TNIK: variants seen among roughly 807,000 people sequenced by gnomAD.
TNIK encodes the protein TRAF2 and NCK-interacting protein kinase.
Under a neutral mutation model 191.3 loss-of-function variants are expected in TNIK, and 49 were observed. That is an observed-to-expected ratio of 0.26 (90% CI 0.20 to 0.32). TNIK has a LOEUF of 0.32. Ranked by LOEUF, TNIK falls within the 10% of genes least tolerant of loss-of-function variation. The pLI is 1.00. For synonymous variants in TNIK, 594 were observed against 600.9 expected (o/e 0.99, Z 0.17); for missense variants, 1,155 against 1,702.3 (o/e 0.68, Z 5.66).
intron 2 of TNIK, among the ~76,000 whole-genome samples, chr3:171,294,840 T>G (rs888457369): frequency 2.6e-5 from 4 of 152,152 alleles, no homozygotes; most frequent in African/African-American, 9.7e-5. Flanking sequence ...CAAATCTCAG[T>G]AGCTTACATA....
At chr3:171,311,894 T>C (rs1158365691) in intron 2 of TNIK, among the ~76,000 whole-genome samples, 2 of 152,020 alleles carry the variant, frequency 1.3e-5, no homozygotes, top group African/African-American at 4.8e-5. Context: ...TATAGCCGCA[T>C]TGGCAAGAGT....
chr3:171,287,096 G>T (rs1751091014), intron 2 of TNIK, among the ~76,000 whole-genome samples: 2 of 152,020 alleles, frequency 1.3e-5, no homozygotes, highest in Admixed American at 1.3e-4. Flanking sequence ...GGCAAGTAGG[G>T]GTTTTCCCTA....
At chr3:171,362,798 C>T (rs924486795) in intron 2 of TNIK, among the ~76,000 whole-genome samples, 2 of 152,154 alleles carry the variant, frequency 1.3e-5, no homozygotes, top group Non-Finnish European at 2.9e-5. Context: ...ACTAGGAATC[C>T]AGCTCAGGCA....
At chr3:171,112,920 A>G (rs371502125) in intron 18 of TNIK, among the ~76,000 whole-genome samples, 20 of 152,190 alleles carry the variant, frequency 1.3e-4, no homozygotes, top group African/African-American at 4.3e-4. Context: ...CAAATAGCCA[A>G]TCACATTTCT....
chr3:171,138,474 A>G, intron 14 of TNIK, 95 bp from the exon 15 acceptor site: 1 of 1,154,598 alleles, frequency 8.7e-7, no homozygotes, highest in Non-Finnish European at 1.2e-6. Flanking sequence ...GAGGCAAAAT[A>G]ATGCTAAATA....
At chr3:171,290,800 T>G (rs1306489714) in intron 2 of TNIK, among the ~76,000 whole-genome samples, 1 of 152,160 alleles carries the variant, frequency 6.6e-6, no homozygotes, top group Non-Finnish European at 1.5e-5. Context: ...AAAACAAGTG[T>G]GGCAAATTAT....
chr3:171,084,743 A>G (rs1398036810), intron 25 of TNIK, among the ~76,000 whole-genome samples: 1 of 152,186 alleles, frequency 6.6e-6, no homozygotes, highest in African/African-American at 2.4e-5. Flanking sequence ...TGTGGTGGGA[A>G]GCACACACCT....
chr3:171,194,105 A>AT (rs1342646889), intron 5 of TNIK, among the ~76,000 whole-genome samples: 1 of 152,230 alleles, frequency 6.6e-6, no homozygotes, highest in Non-Finnish European at 1.5e-5. Context: ...GTATTACACC[A>AT]TTAGGGATAA....
chr3:171,073,593 A>G (rs765451836), intron 28 of TNIK, among the ~76,000 whole-genome samples: 2 of 152,216 alleles, frequency 1.3e-5, no homozygotes, highest in African/African-American at 4.8e-5. Flanking sequence ...GAGACAACCT[A>G]CATGATGGGA....
chr3:171,212,464 C>G (rs1740955823), intron 3 of TNIK, among the ~76,000 whole-genome samples: 1 of 152,170 alleles, frequency 6.6e-6, no homozygotes, highest in Non-Finnish European at 1.5e-5. Flanking sequence ...CGACTCTCTT[C>G]TCCCTATATT....
At chr3:171,083,148 C>G (rs1560084539) in intron 26 of TNIK, among the ~76,000 whole-genome samples, 1 of 152,190 alleles carries the variant, frequency 6.6e-6, no homozygotes, top group Non-Finnish European at 1.5e-5. Flanking sequence ...TCAACACACA[C>G]ACACATTGAG....
At chr3:171,367,331 AGTGGCCTCAGGAAACACAGG>A (rs1265347196) in intron 2 of TNIK, among the ~76,000 whole-genome samples, 1 of 152,224 alleles carries the variant, frequency 6.6e-6, no homozygotes, top group African/African-American at 2.4e-5. Flanking sequence ...GGACTGGATT[AGTGGCCTCAGGAAACACAGG>A]GTCTGCTCAT....
chr3:171,170,877 G>A (rs1023194094), intron 9 of TNIK, among the ~76,000 whole-genome samples: 5 of 152,046 alleles, frequency 3.3e-5, no homozygotes, highest in Non-Finnish European at 7.4e-5. Flanking sequence ...ATAGCAAGAC[G>A]GTCTCTTTAT....
intron 28 of TNIK, among the ~76,000 whole-genome samples, chr3:171,072,988 A>G (rs1719401610): frequency 6.6e-6 from 1 of 152,192 alleles, no homozygotes; most frequent in African/African-American, 2.4e-5. Flanking sequence ...TAAAGTGACT[A>G]TACTGCCAAA....
intron 2 of TNIK, among the ~76,000 whole-genome samples, chr3:171,312,932 G>A (rs116582114): frequency 1.9e-3 from 287 of 152,102 alleles, no homozygotes; most frequent in African/African-American, 6.0e-3. Context: ...GGACCACAGC[G>A]TGCCATTTAA....
chr3:171,285,474 A>C (rs1409924514), intron 2 of TNIK, among the ~76,000 whole-genome samples: 1 of 152,204 alleles, frequency 6.6e-6, no homozygotes, highest in Non-Finnish European at 1.5e-5. Flanking sequence ...GTAGAGCTGG[A>C]TCCTAATGCC....
At chr3:171,454,815 C>A (rs1728602371) in intron 1 of TNIK, among the ~76,000 whole-genome samples, 1 of 152,150 alleles carries the variant, frequency 6.6e-6, no homozygotes, top group Non-Finnish European at 1.5e-5. Context: ...TTTCTTTGAG[C>A]CCCATGAGAC....
chr3:171,379,108 G>A (rs1717658862), intron 1 of TNIK, among the ~76,000 whole-genome samples: 1 of 152,106 alleles, frequency 6.6e-6, no homozygotes, highest in Non-Finnish European at 1.5e-5. Flanking sequence ...AGTGCACATG[G>A]CCAGTTTGAC....
At chr3:171,087,676 C>G (rs2108390085) in intron 23 of TNIK, among the ~76,000 whole-genome samples, 170 bp from the exon 24 acceptor site, 1 of 152,306 alleles carries the variant, frequency 6.6e-6, no homozygotes, top group South Asian at 2.1e-4. Flanking sequence ...AGAAATTAAG[C>G]TTTGCCAATA....
Sources: allele counts gnomAD v4.1 joint callset (sites outside exome capture counted in the v4.1 genomes callset), GRCh38; gene constraint gnomAD v4.1.1; transcripts MANE v1.5; gene names NCBI Gene and HGNC (gene_info 2026-07-23, HGNC 2026-07-21).